The following ZYG11B variants were observed in gnomAD, a reference collection of about 807,000 sequenced individuals.
ZYG11B encodes the protein protein zyg-11 homolog B.
ZYG11B carries 36 observed loss-of-function variants against 82.4 expected under a neutral mutation model. The observed-to-expected ratio is 0.44, with a 90% CI of 0.33 to 0.58. The LOEUF (loss-of-function observed/expected upper bound fraction) is 0.58, where lower values mean the gene tolerates loss of function less well. Among genes scored for constraint, ZYG11B ranks in the 20% least tolerant of loss-of-function variants. The pLI is 0.02. For synonymous variants in ZYG11B, 303 were observed against 312.8 expected (o/e 0.97, Z 0.33); for missense variants, 552 against 895.6 (o/e 0.62, Z 4.90).
intron 1 of ZYG11B, among the ~76,000 whole-genome samples, chr1:52,738,907 G>T (rs898847216): frequency 6.8e-6 from 1 of 147,742 alleles, no homozygotes. Flanking sequence ...ACCATGCCCG[G>T]CCAGGACTTT....
At chr1:52,728,851 C>T (rs1278336539) in intron 1 of ZYG11B, among the ~76,000 whole-genome samples, 1 of 137,860 alleles carries the variant, frequency 7.3e-6, no homozygotes, top group Non-Finnish European at 1.6e-5. Context: ...GAAAGGATCC[C>T]CTCACAGGGA....
chr1:52,768,200 G>GA (rs1644715036), intron 2 of ZYG11B, among the ~76,000 whole-genome samples: 1 of 152,192 alleles, frequency 6.6e-6, no homozygotes. Context: ...GTTGGCTAGA[G>GA]AGAGCAGATT....
Position 52,726,650 on chromosome 1 carries a change from C to T in ZYG11B, c.-4C>T. ...CCCGCCGCCGCACCCAGGACGGAGG[C>T]TGCATGCCCGAGGACCAGGCCGGCG... On this transcript the variant is annotated 5_prime_UTR_variant, in exon 1 of 14. Transcript: ENST00000294353. The T allele has an allele frequency of 6.8e-7, 1 of 1,474,326 alleles. No individual in the cohort carries two copies. The highest frequency in any genetic ancestry group is 1.3e-5 in the South Asian group (1 of 77,788). 91.3% of individuals were successfully genotyped at this position (1,474,326 alleles called of 1,614,324 possible).
intron 3 of ZYG11B, among the ~76,000 whole-genome samples, chr1:52,773,620 TATATATA>T (rs1290713033): frequency 3.5e-5 from 1 of 28,342 alleles, no homozygotes; most frequent in African/African-American, 1.1e-4. Flanking sequence ...TATATATATA[TATATATA>T]TTTTTTTTTT....
Position 52,806,250 on chromosome 1 carries a change from T to G in ZYG11B, c.1695+4111T>G, listed in dbSNP as rs1306184301. On this transcript the variant is annotated intron_variant, in intron 10 of 13. Coordinates refer to ENST00000294353, the MANE Select transcript of ZYG11B (RefSeq NM_024646.3). ...GAATGTGTATTGTCTTATTATTGGG[T>G]ATAGTGTTCTATAAATGACAATCAG... Among the ~76,000 whole-genome samples the G allele has an allele frequency of 2.6e-5, 4 of 152,178 alleles. No individual in the cohort carries two copies. In the East Asian group the frequency reaches 7.7e-4, roughly 29 times the overall value.
intron 10 of ZYG11B, among the ~76,000 whole-genome samples, chr1:52,810,561 C>G (rs1207635952): frequency 1.3e-5 from 2 of 152,180 alleles, no homozygotes; most frequent in Non-Finnish European, 2.9e-5. Flanking sequence ...CAATAGCTCA[C>G]TTTGTTTTCC....
At chr1:52,787,605 C>T (rs146591424) in intron 5 of ZYG11B, among the ~76,000 whole-genome samples, 9 of 152,314 alleles carry the variant, frequency 5.9e-5, no homozygotes, top group East Asian at 1.9e-4. Flanking sequence ...TAACCAGCTG[C>T]GCTGGCATCC....
At chr1:52,811,841 T>C (rs901766515) in intron 10 of ZYG11B, among the ~76,000 whole-genome samples, 6 of 152,192 alleles carry the variant, frequency 3.9e-5, no homozygotes, top group African/African-American at 9.6e-5. Flanking sequence ...CCATCCTGGC[T>C]AACATGGTGA....
intron 2 of ZYG11B, among the ~76,000 whole-genome samples, chr1:52,768,741 G>A (rs1417134715): frequency 7.9e-5 from 12 of 151,768 alleles, no homozygotes; most frequent in African/African-American, 1.9e-4. Context: ...TTACAGGCGC[G>A]CACCACCACA....
chr1:52,790,127 G>T, intron 6 of ZYG11B, 60 bp downstream of exon 6: 2 of 1,242,038 alleles, frequency 1.6e-6, no homozygotes, highest in Non-Finnish European at 1.1e-6. Flanking sequence ...ATCTGTCTTG[G>T]GTCATTTCTT....
intron 2 of ZYG11B, among the ~76,000 whole-genome samples, chr1:52,760,543 A>T (rs959012050): frequency 6.6e-6 from 1 of 152,104 alleles, no homozygotes; most frequent in South Asian, 2.1e-4. Flanking sequence ...TACATTTAAA[A>T]TTTTTTTACT....
At position 52,807,512 on chromosome 1, in the gene ZYG11B, G is replaced by A. The variant is rs535956029; in HGVS notation, c.1695+5373G>A. On this transcript the variant is annotated intron_variant, in intron 10 of 13. Transcript: ENST00000294353. ...AGTACTTTTTTTTTTTTTTTTTTGA[G>A]ACAGGTTCTCACTCTGTCACCCAGG... 4.6e-5 allele frequency among the ~76,000 whole-genome samples: 5 copies of A among 108,276 alleles called. No homozygotes were observed. In the South Asian group the frequency reaches 1.1e-3, roughly 24 times the overall value. 71.0% of individuals were successfully genotyped at this position (108,276 alleles called of 152,430 possible). A position where few individuals can be genotyped will look rare whatever the true frequency, so the allele number is the denominator to read the frequency against.
chr1:52,790,884 C>G (rs1644953017), intron 6 of ZYG11B, among the ~76,000 whole-genome samples: 1 of 144,820 alleles, frequency 6.9e-6, no homozygotes, highest in Non-Finnish European at 1.5e-5. Flanking sequence ...TAACTAGATT[C>G]CATTAAATAT....
At chr1:52,811,854 C>T (rs575466147) in intron 10 of ZYG11B, among the ~76,000 whole-genome samples, 1 of 152,138 alleles carries the variant, frequency 6.6e-6, no homozygotes, top group Admixed American at 6.5e-5. Context: ...CATGGTGAAA[C>T]CCCGTCTCTA....
chr1:52,730,159 A>T (rs1479782403), intron 1 of ZYG11B, among the ~76,000 whole-genome samples: 1 of 152,106 alleles, frequency 6.6e-6, no homozygotes, highest in East Asian at 1.9e-4. Context: ...TGTGAACCAC[A>T]ATTTGAGAAC....
intron 2 of ZYG11B, among the ~76,000 whole-genome samples, chr1:52,761,084 A>G (rs562464547): frequency 8.5e-5 from 13 of 152,280 alleles, no homozygotes; most frequent in African/African-American, 2.4e-4. Flanking sequence ...TTAAATTGAC[A>G]TATAATAATT....
intron 12 of ZYG11B, among the ~76,000 whole-genome samples, chr1:52,814,646 G>T (rs553828654): frequency 1.3e-5 from 2 of 152,236 alleles, no homozygotes; most frequent in African/African-American, 4.8e-5. Flanking sequence ...GCTGCAGTGA[G>T]TTATGATTGC....
At chr1:52,789,269 C>A (rs1187307631) in intron 5 of ZYG11B, among the ~76,000 whole-genome samples, 8 of 152,122 alleles carry the variant, frequency 5.3e-5, no homozygotes, top group African/African-American at 1.9e-4. Context: ...CTTTTGCCTT[C>A]TATGATTGAA....
rs57369767 is a variant in ZYG11B, at chr1:52,746,802, G to A, written c.31-9656G>A. ...TGTCACTCTGCTTGCTGTACTTGAG[G>A]TAATTACAGGGCTTCATTATCTCTT... On this transcript the variant is annotated intron_variant, in intron 1 of 13. Transcript: ENST00000294353. 8.9e-3 allele frequency among the ~76,000 whole-genome samples: 1,264 copies of A among 141,374 alleles called. 83 individuals carry two copies. In the East Asian group the frequency reaches 0.19, roughly 22 times the overall value. 92.7% of individuals were successfully genotyped at this position (141,374 alleles called of 152,430 possible). A position where few individuals can be genotyped will look rare whatever the true frequency, so the allele number is the denominator to read the frequency against.
Sources: allele counts gnomAD v4.1 joint callset (sites outside exome capture counted in the v4.1 genomes callset), GRCh38; gene constraint gnomAD v4.1.1; transcripts MANE v1.5; gene names NCBI Gene and HGNC (gene_info 2026-07-23, HGNC 2026-07-21).